Variants in SLC12A7 observed in about 807,000 individuals in gnomAD.
SLC12A7 encodes K-Cl cotransporter 4.
SLC12A7 carries 100 observed loss-of-function variants against 120.6 expected under a neutral mutation model. The observed-to-expected ratio is 0.83, with a 90% confidence interval of 0.71 to 0.98. The LOEUF (loss-of-function observed/expected upper bound fraction) is 0.98, where lower values mean the gene tolerates loss of function less well. Among genes scored for constraint, SLC12A7 ranks in the 50% least tolerant of loss-of-function variants. The pLI is 0.00. For missense variants in SLC12A7, 1,373 were observed against 1,548.1 expected (o/e 0.89, Z 1.90); for synonymous variants, 760 against 678.0 (o/e 1.12, Z -1.88).
intron 1 of SLC12A7, among the ~76,000 whole-genome samples, chr5:1,097,476 TTAA>T (rs1457764916): frequency 6.6e-6 from 1 of 152,194 alleles, no homozygotes; most frequent in Non-Finnish European, 1.5e-5. Context: ...TCAAGTTGGA[TTAA>T]TATCGAGAAA....
At chr5:1,054,586 A>G (rs1214227057) in intron 22 of SLC12A7, among the ~76,000 whole-genome samples, 1 of 152,194 alleles carries the variant, frequency 6.6e-6, no homozygotes, top group Non-Finnish European at 1.5e-5. Flanking sequence ...AGCGGGTCTC[A>G]GGCCAGCTGC....
chr5:1,073,564 T>C (rs1048451755), intron 17 of SLC12A7, 69 bp downstream of exon 17: 12 of 1,506,764 alleles, frequency 8.0e-6, no homozygotes, highest in East Asian at 2.4e-5. Context: ...GATGAGGACA[T>C]GCCAGGGCAC....
rs369324002 is a variant in SLC12A7, at chr5:1,084,033, G to T, written c.918-77C>A. The T allele has an allele frequency of 1.4e-4, 184 of 1,315,194 alleles. 2 individuals are homozygous for T. In the African/African-American group the frequency reaches 2.3e-3, roughly 17 times the overall value. The allele number at this position is 1,315,194 out of a possible 1,614,324, so 81.5% of individuals were successfully genotyped here. On this transcript the variant is annotated intron_variant, in intron 7 of 23. Coordinates refer to ENST00000264930, the MANE Select transcript of SLC12A7 (RefSeq NM_006598.3). ...ACTGCCCCACCCAGCTCCCCCAACG[G>T]GCACCCATGGTGTCGCCCGCGAGTG...
intron 1 of SLC12A7, among the ~76,000 whole-genome samples, chr5:1,097,008 G>A (rs528714934): frequency 1.3e-5 from 2 of 152,128 alleles, no homozygotes; most frequent in Non-Finnish European, 2.9e-5. Flanking sequence ...AGTCACAGCT[G>A]CTTGGGCTCA....
intron 5 of SLC12A7, among the ~76,000 whole-genome samples, chr5:1,087,885 GTTAT>G (rs1271248077): frequency 2.0e-5 from 3 of 152,170 alleles, no homozygotes; most frequent in African/African-American, 7.2e-5. Context: ...CGGTTCACTA[GTTAT>G]TTAGTTATTA....
At position 1,060,481 on chromosome 5, in the gene SLC12A7, C is replaced by T. The variant is rs373788719; in HGVS notation, c.2740-30G>A. The T allele has an allele frequency of 1.7e-5, 26 of 1,537,776 alleles. No individual in the cohort carries two copies. In the African/African-American group the frequency reaches 2.9e-4, roughly 17 times the overall value. ...AAAGTTCCCAAGCACGTAGTAAGCC[C>T]GGTGTGCACAGAACCACGGATGGCT... On this transcript the variant is annotated intron_variant, in intron 20 of 23. Coordinates refer to ENST00000264930, the MANE Select transcript of SLC12A7 (RefSeq NM_006598.3).
chr5:1,132,595 G>A, the SLC12A7 span, among the ~76,000 whole-genome samples: 1 of 151,936 alleles, frequency 6.6e-6, no homozygotes, highest in African/African-American at 2.4e-5. Context: ...TCCCTTCCAG[G>A]GGGCCCTGAC....
At chr5:1,154,412 C>T in the SLC12A7 span, among the ~76,000 whole-genome samples, 3 of 151,514 alleles carry the variant, frequency 2.0e-5, no homozygotes, top group Non-Finnish European at 4.4e-5. Context: ...CAATGCACCA[C>T]ACACATCTAG....
intron 1 of SLC12A7, among the ~76,000 whole-genome samples, chr5:1,100,950 T>C (rs35832527): frequency 0.78 from 118,411 of 152,108 alleles, 46,601 homozygotes; most frequent in African/African-American, 0.89. Flanking sequence ...GATGTGGCTC[T>C]GCATGGTGAC....
chr5:1,087,813 TATC>T lies in SLC12A7; in HGVS notation c.544+490_544+492del, dbSNP rs151132056. Among the ~76,000 whole-genome samples, 856 of 152,374 alleles carry T rather than the reference TATC, an allele frequency of 5.6e-3. 40 individuals carry two copies. Among genetic ancestry groups the T allele is most frequent in the Admixed American group, 0.041 (635 of 15,304 alleles). ...TAATTCGTTTATTACTAATTAACAG[TATC>T]ATCTCAGTTTACTAGTTATTACGTA... On this transcript the variant is annotated intron_variant, in intron 5 of 23. Coordinates refer to ENST00000264930, the MANE Select transcript of SLC12A7 (RefSeq NM_006598.3).
the SLC12A7 span, among the ~76,000 whole-genome samples, chr5:1,155,082 G>A: frequency 1.2e-5 from 1 of 84,718 alleles, no homozygotes; most frequent in Non-Finnish European, 2.6e-5. Flanking sequence ...GCCTCCCCCC[G>A]CCCCCGCCCC....
intron 14 of SLC12A7, 47 bp downstream of exon 14, chr5:1,076,091 G>A (rs754231054): frequency 3.6e-5 from 54 of 1,505,996 alleles, no homozygotes; most frequent in Non-Finnish European, 4.6e-5. Flanking sequence ...GAGGCACCCA[G>A]TGTCCCAGCC....
intron 17 of SLC12A7, among the ~76,000 whole-genome samples, chr5:1,073,323 G>T (rs147185648): frequency 3.3e-5 from 5 of 152,004 alleles, no homozygotes; most frequent in African/African-American, 1.2e-4. Flanking sequence ...CCTGAACAGC[G>T]GGAGACTGAG....
the SLC12A7 span, among the ~76,000 whole-genome samples, chr5:1,127,587 TGATG>T: frequency 6.6e-6 from 1 of 152,236 alleles, no homozygotes; most frequent in Admixed American, 6.5e-5. Flanking sequence ...CCGAGGAAAC[TGATG>T]GATATACAAA....
upstream of SLC12A7, among the ~76,000 whole-genome samples, chr5:1,114,310 G>C (rs1418878441): frequency 6.6e-6 from 1 of 152,132 alleles, no homozygotes; most frequent in Non-Finnish European, 1.5e-5. Flanking sequence ...CCTCGGGTGG[G>C]GGGTGAGGTC....
intron 22 of SLC12A7, among the ~76,000 whole-genome samples, chr5:1,056,965 C>T (rs1049739101): frequency 3.9e-5 from 6 of 152,350 alleles, no homozygotes; most frequent in South Asian, 4.1e-4. Context: ...CTGTGCCCAG[C>T]GGCACAAGCC....
In SLC12A7 at chr5:1,083,942, C is replaced by T. The variant is rs947972076; in HGVS notation, c.932G>A (p.Gly311Glu). The change falls in exon 8 of 24, where the codon GGG (glycine) becomes GAG (glutamate). Residue 311 changes from glycine (G) to glutamate (E), a missense_variant. Transcript: ENST00000264930. ...DPPDIPVCLL[G>E]NRTLSRRSFD... is the part of the protein sequence containing the mutation. ...GCTGCGCCGTGACAGCGTGCGGTTC[C>T]CCAGGAGGCAGACCCTGGGCGGGAC... The T allele has an allele frequency of 6.2e-7, 1 of 1,602,706 alleles. No individual in the cohort carries two copies. The highest frequency in any genetic ancestry group is 8.5e-7 in the Non-Finnish European group (1 of 1,179,754).
upstream of SLC12A7, among the ~76,000 whole-genome samples, chr5:1,112,819 A>C (rs568643991): frequency 4.4e-4 from 65 of 148,854 alleles, no homozygotes; most frequent in African/African-American, 1.5e-3. Flanking sequence ...GGGGTGGGGT[A>C]CTCCGGAGCT....
chr5:1,153,183 G>A, the SLC12A7 span, among the ~76,000 whole-genome samples: 24 of 152,184 alleles, frequency 1.6e-4, no homozygotes, highest in Middle Eastern at 3.2e-3. Context: ...CTCTACCCCC[G>A]GGTGCTGACG....
Sources: gnomAD v4.1 joint callset for allele counts (sites outside exome capture counted in the v4.1 genomes callset) on GRCh38, gnomAD v4.1.1 for gene constraint, MANE v1.5 for transcripts, NCBI Gene and HGNC (gene_info 2026-07-23, HGNC 2026-07-21) for gene names.